Variants in NEK11 observed in about 807,000 individuals in gnomAD.
The protein encoded by NEK11 is NIMA related kinase 11.
A neutral mutation model predicts 80.7 loss-of-function variants in NEK11; 72 were observed. That is an observed-to-expected ratio of 0.89 (90% CI 0.74 to 1.08). NEK11 has a LOEUF of 1.08. Among genes scored for constraint, NEK11 ranks in the 50% least tolerant of loss-of-function variants. The pLI is 0.00. For missense variants in NEK11, 764 were observed against 763.6 expected (o/e 1.00, Z -0.01); for synonymous variants, 251 against 260.7 (o/e 0.96, Z 0.36).
At chr3:131,217,422 A>G (rs1425082127) in intron 14 of NEK11, among the ~76,000 whole-genome samples, 10 of 152,086 alleles carry the variant, frequency 6.6e-5, no homozygotes, top group African/African-American at 1.9e-4. Context: ...ATCCTGAAGG[A>G]CAGGTGACCT....
intron 17 of NEK11, among the ~76,000 whole-genome samples, chr3:131,326,709 C>T (rs1489235732): frequency 1.3e-5 from 2 of 152,194 alleles, no homozygotes; most frequent in Non-Finnish European, 2.9e-5. Context: ...CACATCCCTT[C>T]CCATGAAGCA....
Position 131,059,678 on chromosome 3 carries a change from T to C in NEK11, c.171-20745T>C, listed in dbSNP as rs113863062. ...GCACACAATTGACTCCCATTTGCAT[T>C]GACAGATGATGTTTTAGTTCTTTTA... On this transcript the variant is annotated intron_variant, in intron 3 of 17. Transcript: ENST00000383366. Among the ~76,000 whole-genome samples, 1,084 of 152,324 alleles carry C rather than the reference T, an allele frequency of 7.1e-3. 13 individuals carry two copies. The highest frequency in any genetic ancestry group is 0.011 in the Non-Finnish European group (770 of 68,026).
intron 14 of NEK11, among the ~76,000 whole-genome samples, chr3:131,194,382 A>G (rs367770363): frequency 1.3e-5 from 2 of 152,142 alleles, no homozygotes; most frequent in South Asian, 2.1e-4. Flanking sequence ...TTATATTTCT[A>G]TATATATGCA....
At chr3:131,124,916 AG>A (rs1331078795) in intron 5 of NEK11, among the ~76,000 whole-genome samples, 1 of 152,196 alleles carries the variant, frequency 6.6e-6, no homozygotes. Context: ...TGGCCTTTCT[AG>A]GCCTTGATTT....
chr3:131,344,781 G>C (rs2097336923), intron 17 of NEK11, among the ~76,000 whole-genome samples: 1 of 152,080 alleles, frequency 6.6e-6, no homozygotes, highest in African/African-American at 2.4e-5. Context: ...GAGTGGGGAG[G>C]GGAGAGGTGC....
intron 15 of NEK11, among the ~76,000 whole-genome samples, chr3:131,229,190 A>G (rs548010733): frequency 6.6e-6 from 1 of 152,236 alleles, no homozygotes; most frequent in African/African-American, 2.4e-5. Context: ...GCCTCTGAGG[A>G]CACATTCTTG....
At chr3:131,216,775 T>C (rs762346517) in intron 14 of NEK11, among the ~76,000 whole-genome samples, 11 of 152,210 alleles carry the variant, frequency 7.2e-5, no homozygotes, top group Admixed American at 1.3e-4. Flanking sequence ...GGCTTGAACA[T>C]TGGTTTGAAA....
intron 16 of NEK11, among the ~76,000 whole-genome samples, chr3:131,261,773 T>C (rs2095925954): frequency 6.6e-6 from 1 of 152,192 alleles, no homozygotes; most frequent in African/African-American, 2.4e-5. Context: ...ATAGATAGCC[T>C]ATCTTCTTAA....
At chr3:131,190,538 C>T (rs969633487) in intron 14 of NEK11, among the ~76,000 whole-genome samples, 3 of 152,124 alleles carry the variant, frequency 2.0e-5, no homozygotes, top group Non-Finnish European at 2.9e-5. Context: ...CACCCACTCC[C>T]CCTTCACCTT....
intron 14 of NEK11, among the ~76,000 whole-genome samples, chr3:131,205,431 C>T (rs2094415028): frequency 6.6e-6 from 1 of 152,002 alleles, no homozygotes; most frequent in African/African-American, 2.4e-5. Context: ...AATCAAGTGT[C>T]AGGAAAAAAG....
chr3:131,266,810 T>C (rs1325096959), intron 16 of NEK11, among the ~76,000 whole-genome samples: 2 of 151,978 alleles, frequency 1.3e-5, no homozygotes, highest in South Asian at 2.1e-4. Context: ...CTCACTATTA[T>C]TGTGTGTGAG....
At chr3:131,221,451 ATGT>A (rs1392540379) in intron 14 of NEK11, among the ~76,000 whole-genome samples, 3 of 152,120 alleles carry the variant, frequency 2.0e-5, no homozygotes, top group Non-Finnish European at 2.9e-5. Context: ...AGCCCAGGTG[ATGT>A]TGTTCTTGCT....
In NEK11 at chr3:131,170,880, A is replaced by G; in HGVS notation, c.1392A>G (p.Gly464=). ...SIVEDATSDL[G]YHEIPEDPLV... is the part of the protein sequence containing the mutation. ...TAGAGGATGCCACATCTGACCTTGG[A>G]TACCATGGTATGTGTTTGCATTGAT... The change falls in exon 14 of 18, where the codon GGA becomes GGG. Residue 464 remains glycine, a synonymous_variant. Coordinates refer to ENST00000383366, the MANE Select transcript of NEK11 (RefSeq NM_024800.5). The G allele has an allele frequency of 1.3e-6, 2 of 1,599,962 alleles. No homozygotes were observed. Among genetic ancestry groups the G allele is most frequent in the South Asian group, 1.1e-5 (1 of 90,822 alleles).
At chr3:131,227,439 T>C (rs1009617134) in intron 14 of NEK11, among the ~76,000 whole-genome samples, 2 of 152,150 alleles carry the variant, frequency 1.3e-5, no homozygotes, top group Admixed American at 1.3e-4. Flanking sequence ...AGATTACACT[T>C]ATGTTAATTT....
Position 131,034,423 on chromosome 3 carries a change from G to A in NEK11, c.170+4545G>A, listed in dbSNP as rs374813847. Among the ~76,000 whole-genome samples the A allele has an allele frequency of 4.0e-5, 6 of 150,604 alleles. No homozygotes were observed. In the South Asian group the frequency reaches 8.4e-4, roughly 21 times the overall value. ...AATTTAAATTTTTTTTTTTTGAGTC[G>A]GAGTCTCGATTTGTCACCCAGGCTG... On this transcript the variant is annotated intron_variant, in intron 3 of 17. Transcript: ENST00000383366.
intron 17 of NEK11, among the ~76,000 whole-genome samples, chr3:131,274,779 G>A (rs369031907): frequency 1.2e-4 from 18 of 149,602 alleles, no homozygotes; most frequent in East Asian, 1.0e-3. Flanking sequence ...TCAGCCTCCC[G>A]AGTAGCTGGG....
intron 5 of NEK11, among the ~76,000 whole-genome samples, chr3:131,116,561 A>G (rs2081267946): frequency 6.6e-6 from 1 of 152,210 alleles, no homozygotes; most frequent in Non-Finnish European, 1.5e-5. Flanking sequence ...ACTGTCTTCC[A>G]CAATGGTTGA....
At chr3:131,203,765 G>GTATA (rs1410812727) in intron 14 of NEK11, among the ~76,000 whole-genome samples, 1 of 104,324 alleles carries the variant, frequency 9.6e-6, no homozygotes, top group Non-Finnish European at 1.9e-5. Flanking sequence ...GTGTGTGTGT[G>GTATA]TGTATATATA....
At chr3:131,310,078 A>G (rs1456966000) in intron 17 of NEK11, among the ~76,000 whole-genome samples, 1 of 151,602 alleles carries the variant, frequency 6.6e-6, no homozygotes, top group Non-Finnish European at 1.5e-5. Context: ...ATCGAAAAAA[A>G]AGACACATGA....
Sources: gnomAD v4.1 joint callset for allele counts (sites outside exome capture counted in the v4.1 genomes callset) on GRCh38, gnomAD v4.1.1 for gene constraint, MANE v1.5 for transcripts, NCBI Gene and HGNC (gene_info 2026-07-23, HGNC 2026-07-21) for gene names.